The following SPATS2L variants were observed in gnomAD, a reference collection of about 807,000 sequenced individuals.
SPATS2L encodes the protein spermatogenesis associated serine rich 2 like, also known as SPATS2-like protein.
In SPATS2L, 30 loss-of-function variants were observed where a neutral mutation model predicts 59.6. The ratio of observed to expected loss-of-function variants is 0.50; its 90% confidence interval spans 0.38 to 0.68. SPATS2L has a LOEUF of 0.68. SPATS2L is among the 30% of genes least tolerant of loss of function. The probability of loss-of-function intolerance (pLI) is 0.00; values close to 1 mark genes in which losing one functional copy is unlikely to be tolerated. For synonymous variants in SPATS2L, 252 were observed against 263.5 expected, an observed-to-expected ratio of 0.96 and a Z score of 0.42; for missense variants, 615 against 700.0, an observed-to-expected ratio of 0.88 and a Z score of 1.37.
chr2:200,469,775 T>C, intron 10 of SPATS2L, 139 bp from the exon 11 acceptor site: 1 of 640,546 alleles, frequency 1.6e-6, no homozygotes, highest in Admixed American at 3.0e-5. Context: ...GCGTGGAGCC[T>C]CCCAGCAACA....
chr2:200,355,151 G>A (rs1158984245), intron 2 of SPATS2L, among the ~76,000 whole-genome samples: 1 of 151,998 alleles, frequency 6.6e-6, no homozygotes, highest in Non-Finnish European at 1.5e-5. Context: ...CCTGCTGTCT[G>A]TCCCCCTCAA....
chr2:200,403,351 G>A (rs892072114), intron 3 of SPATS2L, among the ~76,000 whole-genome samples: 9 of 152,150 alleles, frequency 5.9e-5, no homozygotes, highest in South Asian at 2.1e-4. Context: ...AGAAGAGCAC[G>A]TTTACTCTAT....
intron 1 of SPATS2L, among the ~76,000 whole-genome samples, chr2:200,322,110 G>C (rs756651728): frequency 6.6e-6 from 1 of 152,088 alleles, no homozygotes. Flanking sequence ...ACTCAATATA[G>C]TACCTCTTGC....
rs1263999602 is a variant in SPATS2L at position 200,467,435 on chromosome 2, C to G, written c.957+36C>G. The stretch of plus-strand genomic sequence containing the variant: ...AAATATCACAGCCTGAACCCTGAGC[C>G]AGAGAGCTGATCCCAATTATGTTTG... On this transcript the variant is annotated intron_variant, in intron 10 of 12. Transcript: ENST00000409140. 7.0e-6 allele frequency: 10 copies of G among 1,431,636 alleles called. No individual in the cohort carries two copies. In the East Asian group the frequency reaches 2.0e-4, roughly 29 times the overall value. The allele number at this position is 1,431,636 out of a possible 1,614,324, so 88.7% of individuals were successfully genotyped here. A position where few individuals can be genotyped will look rare whatever the true frequency, so the allele number is the denominator to read the frequency against.
chr2:200,306,414 G>A, upstream of SPATS2L: 1 of 1,002,416 alleles, frequency 1.0e-6, no homozygotes, highest in South Asian at 4.7e-5. Context: ...GAGCAAGCAA[G>A]CAAAGTGCGG....
At chr2:200,424,852 A>G (rs955206937) in intron 6 of SPATS2L, among the ~76,000 whole-genome samples, 1 of 152,074 alleles carries the variant, frequency 6.6e-6, no homozygotes, top group Non-Finnish European at 1.5e-5. Context: ...GCCGGCCTTT[A>G]TGTTGCCTCC....
chr2:200,334,423 G>A (rs966206159), intron 2 of SPATS2L, among the ~76,000 whole-genome samples: 3 of 151,982 alleles, frequency 2.0e-5, no homozygotes, highest in African/African-American at 7.2e-5. Context: ...TTTGTCAGAT[G>A]AGTAGGTTGC....
At chr2:200,333,321 G>GA (rs2080018514) in intron 2 of SPATS2L, among the ~76,000 whole-genome samples, 1 of 143,434 alleles carries the variant, frequency 7.0e-6, no homozygotes, top group South Asian at 2.4e-4. Flanking sequence ...AAAGACACAA[G>GA]ATTACATAGC....
At chr2:200,416,273 CAAA>C (rs5837739) in intron 4 of SPATS2L, 103 bp from the exon 5 acceptor site, 8,595 of 328,280 alleles carry the variant, frequency 0.026, 2 homozygotes, top group Middle Eastern at 0.034. Context: ...ATGAAAAAGC[CAAA>C]AAAAAAAAAA....
intron 8 of SPATS2L, among the ~76,000 whole-genome samples, chr2:200,442,680 A>G (rs934816362): frequency 6.6e-6 from 1 of 152,190 alleles, no homozygotes; most frequent in Non-Finnish European, 1.5e-5. Flanking sequence ...TCTCTTCTCC[A>G]GCTGCTCTGA....
At chr2:200,449,792 C>T (rs1212909639) in intron 8 of SPATS2L, among the ~76,000 whole-genome samples, 2 of 152,098 alleles carry the variant, frequency 1.3e-5, no homozygotes, top group African/African-American at 2.4e-5. Context: ...TCCTAAATTA[C>T]AATTTCAGAA....
intron 6 of SPATS2L, among the ~76,000 whole-genome samples, chr2:200,437,948 A>T (rs2084414198): frequency 6.6e-6 from 1 of 152,192 alleles, no homozygotes; most frequent in Non-Finnish European, 1.5e-5. Flanking sequence ...ATTCTACAGA[A>T]AGCCATCGAG....
intron 6 of SPATS2L, among the ~76,000 whole-genome samples, chr2:200,428,019 G>A (rs536111229): frequency 4.0e-5 from 6 of 151,190 alleles, no homozygotes; most frequent in African/African-American, 7.3e-5. Context: ...ACAGTGAGCC[G>A]TGATCACACC....
chr2:200,319,481 C>T (rs537748940), intron 1 of SPATS2L, among the ~76,000 whole-genome samples: 1 of 147,070 alleles, frequency 6.8e-6, no homozygotes, highest in East Asian at 2.0e-4. Flanking sequence ...AGGAAAATTG[C>T]TTGAACCCCA....
rs2087757141 is a variant in SPATS2L at position 200,480,759 on chromosome 2, G to A, written c.*2728G>A. 1.3e-5 allele frequency: 2 copies of A among 152,180 alleles called. No homozygotes were observed. Among genetic ancestry groups the A allele is most frequent in the African/African-American group, 4.8e-5 (2 of 41,444 alleles). The allele number at this position is 152,180 out of a possible 1,614,324, so 9.4% of individuals were successfully genotyped here. A position where few individuals can be genotyped will look rare whatever the true frequency, so the allele number is the denominator to read the frequency against. ...GTAATTTCAATATTTTAGTGCCAAT[G>A]TCAGGCCGCTTAAACACTGTATTAC... On this transcript the variant is annotated 3_prime_UTR_variant, in exon 13 of 13. Transcript: ENST00000409140.
At chr2:200,318,939 C>T (rs535191238) in intron 1 of SPATS2L, among the ~76,000 whole-genome samples, 23 of 152,250 alleles carry the variant, frequency 1.5e-4, no homozygotes, top group African/African-American at 5.3e-4. Context: ...ACCCTAAGCC[C>T]ATTTCGATTT....
At position 200,306,811 on chromosome 2, in the gene SPATS2L, G is replaced by C; in HGVS notation, c.-184G>C. 2.0e-6 allele frequency: 2 copies of C among 980,976 alleles called. No individual in the cohort carries two copies. Among genetic ancestry groups the C allele is most frequent in the South Asian group, 9.4e-5 (2 of 21,270 alleles). The allele number at this position is 980,976 out of a possible 1,614,324, so 60.8% of individuals were successfully genotyped here. On this transcript the variant is annotated 5_prime_UTR_variant, in exon 1 of 13. Coordinates refer to ENST00000409140, the MANE Select transcript of SPATS2L (RefSeq NM_001100423.2). ...GCGGCCCAGGCAGCGGCTCCCGCTC[G>C]GCCCGCCCTCCGAGCCGCAGGGGCC...
At chr2:200,469,748 G>A (rs1467194597) in intron 10 of SPATS2L, 166 bp from the exon 11 acceptor site, 1 of 561,944 alleles carries the variant, frequency 1.8e-6, no homozygotes, top group Non-Finnish European at 3.2e-6. Context: ...CCCTAGCCAG[G>A]TCAGCACTAA....
chr2:200,408,310 T>C (rs571422217), intron 3 of SPATS2L, among the ~76,000 whole-genome samples: 2 of 152,274 alleles, frequency 1.3e-5, no homozygotes, highest in African/African-American at 4.8e-5. Flanking sequence ...GTTGCTGGCG[T>C]TGAATGCCAG....
Sources: allele counts gnomAD v4.1 joint callset (sites outside exome capture counted in the v4.1 genomes callset), GRCh38; gene constraint gnomAD v4.1.1; transcripts MANE v1.5; gene names NCBI Gene and HGNC (gene_info 2026-07-23, HGNC 2026-07-21).